SNX18: variants seen among roughly 807,000 people sequenced by gnomAD.
SNX18 encodes the protein sorting nexin-18.
A neutral mutation model predicts 48.7 loss-of-function variants in SNX18; 35 were observed. The observed-to-expected ratio is 0.72, with a 90% CI of 0.55 to 0.95. The LOEUF (loss-of-function observed/expected upper bound fraction) is 0.95. Among genes scored for constraint, SNX18 ranks in the 40% least tolerant of loss-of-function variants. The pLI is 0.00. For synonymous variants in SNX18, 492 were observed against 384.7 expected, an observed-to-expected ratio of 1.28 and a Z score of -3.26; for missense variants, 824 against 871.0, an observed-to-expected ratio of 0.95 and a Z score of 0.68.
the SNX18 span, among the ~76,000 whole-genome samples, chr5:54,639,244 T>A: frequency 8.5e-5 from 13 of 152,182 alleles, no homozygotes; most frequent in African/African-American, 2.9e-4. Flanking sequence ...TCTAGGGACA[T>A]GAGCATTTTA....
intron 1 of SNX18, among the ~76,000 whole-genome samples, chr5:54,522,150 A>C (rs1452677139): frequency 2.0e-5 from 3 of 152,222 alleles, no homozygotes; most frequent in Admixed American, 6.5e-5. Flanking sequence ...TAAGGCTAAA[A>C]GCATTTGCCT....
the SNX18 span, among the ~76,000 whole-genome samples, chr5:54,615,056 T>C: frequency 3.3e-5 from 5 of 152,134 alleles, no homozygotes; most frequent in Non-Finnish European, 7.4e-5. Context: ...TTGGTTTTTA[T>C]GGAAAAAACA....
intron 1 of SNX18, among the ~76,000 whole-genome samples, chr5:54,537,866 A>C (rs2564997): frequency 6.6e-6 from 1 of 152,226 alleles, no homozygotes; most frequent in Non-Finnish European, 1.5e-5. Flanking sequence ...CAGTACAGCC[A>C]TGAGAATGCT....
chr5:54,522,281 A>G (rs1762046365), intron 1 of SNX18, among the ~76,000 whole-genome samples: 1 of 152,196 alleles, frequency 6.6e-6, no homozygotes, highest in Admixed American at 6.5e-5. Context: ...TGTAAAGAGC[A>G]TCTCAATTCC....
the SNX18 span, among the ~76,000 whole-genome samples, chr5:54,606,445 T>C: frequency 6.6e-6 from 1 of 152,332 alleles, no homozygotes; most frequent in African/African-American, 2.4e-5. Flanking sequence ...GTCTTTATGA[T>C]AATGAAGACA....
intron 1 of SNX18, among the ~76,000 whole-genome samples, chr5:54,542,333 G>A (rs944650706): frequency 2.0e-5 from 3 of 152,174 alleles, no homozygotes; most frequent in African/African-American, 7.2e-5. Flanking sequence ...TTCTAGGCAT[G>A]AGATTATGGA....
At chr5:54,631,406 A>G in the SNX18 span, among the ~76,000 whole-genome samples, 5 of 152,366 alleles carry the variant, frequency 3.3e-5, no homozygotes, top group Admixed American at 6.5e-5. Flanking sequence ...TGTTTAGCTT[A>G]TATCATTATA....
the SNX18 span, among the ~76,000 whole-genome samples, chr5:54,572,946 T>C: frequency 6.6e-6 from 1 of 151,026 alleles, no homozygotes; most frequent in African/African-American, 2.4e-5. Context: ...AGCGACTCCA[T>C]TTTGAGTAAG....
At chr5:54,539,823 TTTTTTG>T (rs958667780) in intron 1 of SNX18, among the ~76,000 whole-genome samples, 26 of 37,984 alleles carry the variant, frequency 6.8e-4, no homozygotes, top group East Asian at 3.5e-3. Flanking sequence ...GTCTTTGGGT[TTTTTTG>T]TTTTGTTTTG....
the SNX18 span, among the ~76,000 whole-genome samples, chr5:54,583,840 A>G: frequency 6.6e-6 from 1 of 152,082 alleles, no homozygotes; most frequent in African/African-American, 2.4e-5. Flanking sequence ...TTTGGTCTCA[A>G]GGGTCAGTCC....
chr5:54,594,393 A>C, the SNX18 span, among the ~76,000 whole-genome samples: 1 of 152,172 alleles, frequency 6.6e-6, no homozygotes, highest in African/African-American at 2.4e-5. Flanking sequence ...AAGAGTTAAC[A>C]CAGCCAATCT....
rs762155166 is a variant in SNX18 at position 54,519,371 on chromosome 5, C to A, written c.1419C>A (p.Gly473=). 1 of 1,613,236 alleles carries A rather than the reference C, an allele frequency of 6.2e-7. No individual in the cohort carries two copies. Among genetic ancestry groups the A allele is most frequent in the South Asian group, 1.1e-5 (1 of 91,046 alleles). ...EYQKVGQSFR[G]LSQAFELDQQ... Reference sequence around the variant, plus strand: ...AGAAGGTGGGCCAGTCCTTCCGCGGCCTCAGCCAGGCCTTTGAGCTGGACC... The same window carrying A: ...AGAAGGTGGGCCAGTCCTTCCGCGGACTCAGCCAGGCCTTTGAGCTGGACC... The change falls in exon 1 of 2, where the codon GGC becomes GGA. Residue 473 remains glycine, a synonymous_variant. Coordinates refer to ENST00000381410, the MANE Select transcript of SNX18 (RefSeq NM_001102575.2).
At chr5:54,526,288 A>G (rs763961631) in intron 1 of SNX18, among the ~76,000 whole-genome samples, 1 of 151,910 alleles carries the variant, frequency 6.6e-6, no homozygotes, top group Non-Finnish European at 1.5e-5. Flanking sequence ...TATTTTTTTT[A>G]GTAGAGACGG....
At chr5:54,563,970 T>G in the SNX18 span, among the ~76,000 whole-genome samples, 33 of 152,162 alleles carry the variant, frequency 2.2e-4, no homozygotes, top group African/African-American at 7.5e-4. Flanking sequence ...AACATTTCCT[T>G]GTAAACATTT....
the SNX18 span, among the ~76,000 whole-genome samples, chr5:54,574,706 G>A: frequency 6.6e-6 from 1 of 152,156 alleles, no homozygotes; most frequent in Admixed American, 6.5e-5. Flanking sequence ...GCTAAGGAAC[G>A]AGAACCAGCA....
At chr5:54,529,643 C>T (rs773140703) in intron 1 of SNX18, among the ~76,000 whole-genome samples, 5 of 150,854 alleles carry the variant, frequency 3.3e-5, no homozygotes, top group Non-Finnish European at 7.4e-5. Context: ...TTTTTTTCCA[C>T]TAGAAAATTC....
chr5:54,605,640 T>A, the SNX18 span, among the ~76,000 whole-genome samples: 1 of 152,152 alleles, frequency 6.6e-6, no homozygotes, highest in East Asian at 1.9e-4. Context: ...TTATTGAGAT[T>A]TTTTATGATC....
chr5:54,630,057 G>T, the SNX18 span, among the ~76,000 whole-genome samples: 238 of 152,312 alleles, frequency 1.6e-3, 2 homozygotes, highest in African/African-American at 5.6e-3. Flanking sequence ...CCGAGAGTTT[G>T]GTGTCAGGTT....
the SNX18 span, among the ~76,000 whole-genome samples, chr5:54,566,723 CA>C: frequency 6.6e-6 from 1 of 152,202 alleles, no homozygotes; most frequent in Admixed American, 6.5e-5. Flanking sequence ...CTTCCATTGG[CA>C]ACCTAGGCAT....
Sources: allele counts gnomAD v4.1 joint callset (sites outside exome capture counted in the v4.1 genomes callset), GRCh38; gene constraint gnomAD v4.1.1; transcripts MANE v1.5; gene names NCBI Gene and HGNC (gene_info 2026-07-23, HGNC 2026-07-21).